The following CFAP96 variants were observed in gnomAD, a reference collection of about 807,000 sequenced individuals.
The protein encoded by CFAP96 is cilia-and flagella-associated protein 96.
At chr4:185,435,576 A>T in the CFAP96 span, among the ~76,000 whole-genome samples, 1 of 152,160 alleles carries the variant, frequency 6.6e-6, no homozygotes, top group African/African-American at 2.4e-5. Flanking sequence ...TATTTGGTTA[A>T]TTTTTTCTAC....
the CFAP96 span, among the ~76,000 whole-genome samples, chr4:185,441,809 A>AG: frequency 6.6e-6 from 1 of 151,964 alleles, no homozygotes; most frequent in Admixed American, 6.6e-5. Flanking sequence ...CACTTTGGGC[A>AG]GGGGGTGAAA....
chr4:185,409,746 G>A, the CFAP96 span, among the ~76,000 whole-genome samples: 20 of 152,312 alleles, frequency 1.3e-4, no homozygotes, highest in African/African-American at 4.8e-4. Flanking sequence ...CGTGATTAAG[G>A]ATCTTAAGAT....
At chr4:185,415,400 A>G in the CFAP96 span, 1 of 1,428,264 alleles carries the variant, frequency 7.0e-7, no homozygotes, top group Non-Finnish European at 9.3e-7. Context: ...GACTACAATA[A>G]AGAAAAGTAC....
chr4:185,422,729 A>C, the CFAP96 span, among the ~76,000 whole-genome samples: 111 of 152,240 alleles, frequency 7.3e-4, no homozygotes, highest in African/African-American at 2.5e-3. Flanking sequence ...AACAAAAGCA[A>C]CCCCAAAATT....
the CFAP96 span, among the ~76,000 whole-genome samples, chr4:185,436,712 A>AAATAATAAT: frequency 0.15 from 21,884 of 143,928 alleles, 1,805 homozygotes; most frequent in African/African-American, 0.19. Flanking sequence ...TCCGTCTCAA[A>AAATAATAAT]AATAATAATA....
the CFAP96 span, among the ~76,000 whole-genome samples, chr4:185,432,684 G>C: frequency 2.6e-5 from 4 of 151,990 alleles, no homozygotes; most frequent in Non-Finnish European, 4.4e-5. Flanking sequence ...GCAATATAGA[G>C]AGACCCCATC....
At chr4:185,444,819 CT>C in the CFAP96 span, 1 of 679,440 alleles carries the variant, frequency 1.5e-6, no homozygotes, top group Non-Finnish European at 2.5e-6. Flanking sequence ...GTAGGGAGAC[CT>C]TTTGGTGGTA....
the CFAP96 span, among the ~76,000 whole-genome samples, chr4:185,435,212 G>A: frequency 6.6e-6 from 1 of 152,096 alleles, no homozygotes; most frequent in African/African-American, 2.4e-5. Context: ...TCATAAAGAG[G>A]GATTAATTAA....
the CFAP96 span, among the ~76,000 whole-genome samples, chr4:185,448,926 A>G: frequency 6.6e-6 from 1 of 152,130 alleles, no homozygotes; most frequent in African/African-American, 2.4e-5. Flanking sequence ...TCTGAATTTT[A>G]TCTTCCGTTT....
At chr4:185,433,248 A>T in the CFAP96 span, among the ~76,000 whole-genome samples, 33 of 151,872 alleles carry the variant, frequency 2.2e-4, no homozygotes, top group African/African-American at 8.0e-4. Context: ...ACAAAAAATT[A>T]GCCAGGCATG....
At chr4:185,415,686 CA>C in the CFAP96 span, 41 of 1,591,010 alleles carry the variant, frequency 2.6e-5, no homozygotes, top group African/African-American at 5.1e-4. Flanking sequence ...TCAAATGTGG[CA>C]GTGGTACTAT....
chr4:185,431,240 A>G, the CFAP96 span, among the ~76,000 whole-genome samples: 1 of 151,492 alleles, frequency 6.6e-6, no homozygotes, highest in East Asian at 1.9e-4. Flanking sequence ...AGTCAGTGAT[A>G]CAGATTCACA....
At chr4:185,444,454 T>C in the CFAP96 span, among the ~76,000 whole-genome samples, 1,282 of 152,350 alleles carry the variant, frequency 8.4e-3, 16 homozygotes, top group African/African-American at 0.03. Flanking sequence ...ATATTTTGAT[T>C]GACTTCTCTT....
the CFAP96 span, chr4:185,429,633 G>A: frequency 1.7e-6 from 1 of 606,008 alleles, no homozygotes; most frequent in South Asian, 2.1e-5. Flanking sequence ...TAGTTCTAAA[G>A]TTTGTTAACG....
chr4:185,431,624 T>G, the CFAP96 span, among the ~76,000 whole-genome samples: 1 of 152,176 alleles, frequency 6.6e-6, no homozygotes, highest in Non-Finnish European at 1.5e-5. Context: ...GCGCACACAC[T>G]CTCACTGACA....
the CFAP96 span, among the ~76,000 whole-genome samples, chr4:185,439,823 GTATATACATAATCTCA>G: frequency 6.9e-6 from 1 of 145,356 alleles, no homozygotes; most frequent in African/African-American, 2.5e-5. Flanking sequence ...ACTCATATAT[GTATATACATAATCTCA>G]TATATACATA....
the CFAP96 span, among the ~76,000 whole-genome samples, chr4:185,425,394 T>G: frequency 6.6e-6 from 1 of 152,030 alleles, no homozygotes; most frequent in African/African-American, 2.4e-5. Context: ...AACTTAGAGA[T>G]AAAATTTTAG....
chr4:185,415,992 G>T, the CFAP96 span: 1 of 704,964 alleles, frequency 1.4e-6, no homozygotes, highest in Non-Finnish European at 2.2e-6. Flanking sequence ...GCCAAGTACA[G>T]TAGTGAAAAG....
chr4:185,411,266 A>C, the CFAP96 span, among the ~76,000 whole-genome samples: 2 of 152,162 alleles, frequency 1.3e-5, no homozygotes, highest in Non-Finnish European at 2.9e-5. Flanking sequence ...TAAATTGGTT[A>C]CTAAAAATCT....
Sources: allele counts gnomAD v4.1 joint callset (sites outside exome capture counted in the v4.1 genomes callset), GRCh38; gene constraint gnomAD v4.1.1; transcripts MANE v1.5; gene names NCBI Gene and HGNC (gene_info 2026-07-23, HGNC 2026-07-21).